FRMPD4: variants seen among roughly 807,000 people sequenced by gnomAD.
FRMPD4 encodes FERM and PDZ domain containing 4.
In FRMPD4, 22 loss-of-function variants were observed where a neutral mutation model predicts 94.1. That is an observed-to-expected ratio of 0.23 (90% CI 0.17 to 0.33). The LOEUF (loss-of-function observed/expected upper bound fraction) is 0.33. Among genes scored for constraint, FRMPD4 ranks in the 10% least tolerant of loss-of-function variants. FRMPD4 has a pLI of 1.00. For synonymous variants in FRMPD4, 631 were observed against 548.6 expected (o/e 1.15, Z -2.10); for missense variants, 1,111 against 1,339.9 (o/e 0.83, Z 2.67).
chrX:11,995,274 A>G (rs1007142643), intron 3 of FRMPD4, among the ~76,000 whole-genome samples: 5 of 111,961 alleles, frequency 4.5e-5, no homozygotes, highest in African/African-American at 1.6e-4. Flanking sequence ...TTTGAGACAC[A>G]GCAGTCCCTA....
intron 3 of FRMPD4, 147 bp downstream of exon 3, chrX:12,610,028 C>G (rs1411212526): frequency 9.7e-6 from 5 of 514,428 alleles, no homozygotes; most frequent in African/African-American, 4.7e-5. Flanking sequence ...ACCAGAGGAA[C>G]AGAAATGCTT....
chrX:12,417,701 A>G (rs1227620704), intron 1 of FRMPD4, among the ~76,000 whole-genome samples: 1 of 108,205 alleles, frequency 9.2e-6, no homozygotes, highest in Non-Finnish European at 1.9e-5. Context: ...GCTTTTATTC[A>G]TTTTATTCAT....
At chrX:12,451,907 C>G (rs1283265754) in intron 1 of FRMPD4, among the ~76,000 whole-genome samples, 1 of 110,868 alleles carries the variant, frequency 9.0e-6, no homozygotes, top group Non-Finnish European at 1.9e-5. Context: ...ACTTTTATCT[C>G]TAGCAGCTCT....
intron 13 of FRMPD4, among the ~76,000 whole-genome samples, chrX:12,708,086 C>T (rs1017622040): frequency 3.6e-5 from 4 of 111,879 alleles, no homozygotes; most frequent in Non-Finnish European, 5.6e-5. Context: ...TTTGGAAAAG[C>T]TTGATGTTTT....
chrX:11,847,939 G>T (rs1001797044), intron 1 of FRMPD4, among the ~76,000 whole-genome samples: 1 of 101,357 alleles, frequency 9.9e-6, no homozygotes, highest in East Asian at 3.3e-4. Flanking sequence ...GCTAAATGAC[G>T]AGTTAATGGG....
chrX:12,084,987 A>T (rs1956498715), intron 3 of FRMPD4, among the ~76,000 whole-genome samples: 1 of 112,332 alleles, frequency 8.9e-6, no homozygotes, highest in African/African-American at 3.2e-5. Flanking sequence ...AAAATAAAAA[A>T]CAGCATGGAT....
chrX:12,661,747 T>C (rs1818602344), intron 4 of FRMPD4, among the ~76,000 whole-genome samples: 1 of 112,129 alleles, frequency 8.9e-6, no homozygotes, highest in Non-Finnish European at 1.9e-5. Context: ...TCTCTCCAGC[T>C]AATGGCTTCA....
intron 3 of FRMPD4, among the ~76,000 whole-genome samples, chrX:11,906,208 C>T (rs917233406): frequency 9.2e-5 from 10 of 108,136 alleles, no homozygotes; most frequent in South Asian, 4.1e-4. Flanking sequence ...AGTGCAGTGG[C>T]GAGGTCTCAG....
intron 3 of FRMPD4, among the ~76,000 whole-genome samples, chrX:12,079,695 G>A (rs1365387146): frequency 8.9e-6 from 1 of 111,869 alleles, no homozygotes; most frequent in Non-Finnish European, 1.9e-5. Context: ...TCTAAGCCAA[G>A]GTAGTATTAG....
intron 3 of FRMPD4, among the ~76,000 whole-genome samples, chrX:12,610,446 G>A (rs2059170542): frequency 8.9e-6 from 1 of 112,791 alleles, no homozygotes; most frequent in African/African-American, 3.2e-5. Context: ...TTCTGCCATG[G>A]CTATAAGAAG....
At chrX:12,166,909 A>AT (rs778145233) in intron 1 of FRMPD4, among the ~76,000 whole-genome samples, 1,112 of 110,781 alleles carry the variant, frequency 0.01, 21 homozygotes, top group African/African-American at 0.035. Context: ...CCCCTTTATC[A>AT]TTTTTTATTG....
chrX:11,874,273 C>G (rs899648280), intron 2 of FRMPD4, among the ~76,000 whole-genome samples: 20 of 111,943 alleles, frequency 1.8e-4, no homozygotes, highest in Non-Finnish European at 3.2e-4. Flanking sequence ...GCCACAGCCC[C>G]TCCTGTAGCT....
chrX:12,569,087 C>T (rs1327803911), intron 2 of FRMPD4, among the ~76,000 whole-genome samples: 1 of 110,913 alleles, frequency 9.0e-6, no homozygotes, highest in Non-Finnish European at 1.9e-5. Context: ...CACTCTTGGG[C>T]CTTTTATCAT....
At chrX:12,691,145 T>C (rs1296887012) in intron 8 of FRMPD4, among the ~76,000 whole-genome samples, 1 of 112,233 alleles carries the variant, frequency 8.9e-6, no homozygotes, top group Non-Finnish European at 1.9e-5. Flanking sequence ...ATATCCCCGA[T>C]TCTCTTGATT....
intron 1 of FRMPD4, among the ~76,000 whole-genome samples, chrX:12,359,225 T>G (rs980231371): frequency 5.4e-5 from 6 of 111,827 alleles, no homozygotes; most frequent in African/African-American, 2.0e-4. Flanking sequence ...TAGTCCCCAT[T>G]TAACTATTTT....
intron 3 of FRMPD4, among the ~76,000 whole-genome samples, chrX:12,050,831 A>C (rs778483357): frequency 1.4e-3 from 152 of 110,956 alleles, no homozygotes; most frequent in African/African-American, 4.7e-3. Flanking sequence ...ACTTAAACAC[A>C]GTTCATATTT....
At chrX:12,187,189 C>G (rs766577293) in intron 1 of FRMPD4, among the ~76,000 whole-genome samples, 1 of 111,584 alleles carries the variant, frequency 9.0e-6, no homozygotes, top group African/African-American at 3.3e-5. Context: ...CTCATCCACC[C>G]CTATTCCTAT....
intron 1 of FRMPD4, among the ~76,000 whole-genome samples, chrX:12,423,672 T>C (rs1044876972): frequency 1.8e-5 from 2 of 112,715 alleles, no homozygotes; most frequent in African/African-American, 6.4e-5. Context: ...TTTGAAAGAT[T>C]TGTACAGTTG....
rs779000840 is a variant in FRMPD4 at position 12,716,216 on chromosome X, C to T, written c.1757C>T (p.Thr586Ile). ...KQKTVEITDS[T>I]MCPKEHRHLY... ...AAGACGGTGGAGATCACAGACAGCA[C>T]CATGTGTCCAAAAGAGCACCGGCAC... The change falls in exon 15 of 17, where the codon ACC becomes ATC. Residue 586 changes from threonine (T) to isoleucine (I), a missense_variant. Transcript: ENST00000675598. The T allele has an allele frequency of 8.3e-6, 10 of 1,207,039 alleles. No homozygotes were observed. The East Asian group carries it at 1.8e-4, about 21-fold the overall frequency.
Sources: gnomAD v4.1 joint callset for allele counts (sites outside exome capture counted in the v4.1 genomes callset) on GRCh38, gnomAD v4.1.1 for gene constraint, MANE v1.5 for transcripts, NCBI Gene and HGNC (gene_info 2026-07-23, HGNC 2026-07-21) for gene names.